Variants in PTPRJ observed in about 807,000 individuals in gnomAD.
PTPRJ encodes the protein protein tyrosine phosphatase receptor type J.
Under a neutral mutation model 141.3 loss-of-function variants are expected in PTPRJ, and 129 were observed. The observed-to-expected ratio is 0.91, with a 90% CI of 0.79 to 1.06. The LOEUF is 1.06. Among genes scored for constraint, PTPRJ ranks in the 50% least tolerant of loss-of-function variants. The pLI is 0.00. For missense variants in PTPRJ, 1,601 were observed against 1,679.7 expected, an observed-to-expected ratio of 0.95 and a Z score of 0.82; for synonymous variants, 610 against 640.5, an observed-to-expected ratio of 0.95 and a Z score of 0.72.
At chr11:48,063,580 G>T (rs1854999239) in intron 1 of PTPRJ, among the ~76,000 whole-genome samples, 1 of 152,182 alleles carries the variant, frequency 6.6e-6, no homozygotes, top group African/African-American at 2.4e-5. Flanking sequence ...CTGCTGGGGG[G>T]TGGCCGTTTG....
intron 1 of PTPRJ, among the ~76,000 whole-genome samples, chr11:48,043,830 C>T (rs867433135): frequency 3.3e-5 from 5 of 152,216 alleles, no homozygotes; most frequent in South Asian, 4.1e-4. Context: ...GCTTCTTTCT[C>T]GAAACCATCC....
chr11:48,018,367 G>A (rs2930185), intron 1 of PTPRJ, among the ~76,000 whole-genome samples: 2,495 of 152,156 alleles, frequency 0.016, 67 homozygotes, highest in African/African-American at 0.057. Flanking sequence ...GAGCATGCCA[G>A]CTCTGCTGAA....
At chr11:48,065,662 A>G (rs1365877362) in intron 1 of PTPRJ, among the ~76,000 whole-genome samples, 1 of 152,212 alleles carries the variant, frequency 6.6e-6, no homozygotes, top group Non-Finnish European at 1.5e-5. Context: ...TATAGATGAT[A>G]CCGAGGTAGA....
chr11:48,117,930 T>C (rs1856610339), intron 3 of PTPRJ, among the ~76,000 whole-genome samples: 1 of 152,182 alleles, frequency 6.6e-6, no homozygotes, highest in South Asian at 2.1e-4. Flanking sequence ...TGAACAATTA[T>C]ATGCCAACAA....
intron 1 of PTPRJ, among the ~76,000 whole-genome samples, chr11:48,062,522 A>C (rs12419916): frequency 2.0e-4 from 31 of 152,102 alleles, no homozygotes; most frequent in Non-Finnish European, 3.7e-4. Context: ...CAAAAAAAAA[A>C]CCAAAAAAAA....
intron 1 of PTPRJ, among the ~76,000 whole-genome samples, chr11:48,010,935 C>T (rs553329411): frequency 6.6e-6 from 1 of 151,916 alleles, no homozygotes; most frequent in East Asian, 1.9e-4. Context: ...CCGCTTCAGC[C>T]AATTGAGTAG....
intron 1 of PTPRJ, among the ~76,000 whole-genome samples, chr11:48,039,617 C>G (rs1854223575): frequency 6.6e-6 from 1 of 152,016 alleles, no homozygotes; most frequent in South Asian, 2.1e-4. Flanking sequence ...TGTCTCTTTT[C>G]TCTTTCTGAA....
chr11:48,143,112 T>C (rs1356409371), intron 12 of PTPRJ, 62 bp downstream of exon 12: 1 of 1,591,282 alleles, frequency 6.3e-7, no homozygotes, highest in African/African-American at 1.3e-5. Context: ...GAGCTTTCTC[T>C]GTGCCCACTG....
chr11:47,981,297 G>A (rs1448010430), intron 1 of PTPRJ, among the ~76,000 whole-genome samples: 1 of 152,172 alleles, frequency 6.6e-6, no homozygotes, highest in African/African-American at 2.4e-5. Flanking sequence ...CCCTGGCCCG[G>A]CTCTTCCCGG....
chr11:48,122,981 C>T (rs777177586), intron 4 of PTPRJ, among the ~76,000 whole-genome samples: 12 of 152,034 alleles, frequency 7.9e-5, no homozygotes, highest in East Asian at 5.8e-4. Context: ...TCTGGGTCTT[C>T]GTGTTCTTAT....
chr11:48,003,541 G>A (rs1471962972), intron 1 of PTPRJ, among the ~76,000 whole-genome samples: 1 of 152,100 alleles, frequency 6.6e-6, no homozygotes, highest in African/African-American at 2.4e-5. Flanking sequence ...TGTCTCCCAG[G>A]CTGGAGTGCT....
chr11:48,139,058 G>A (rs12273331), intron 10 of PTPRJ, among the ~76,000 whole-genome samples: 5,211 of 152,200 alleles, frequency 0.034, 292 homozygotes, highest in African/African-American at 0.12. Context: ...GTTTGAACCC[G>A]GGAGGTGGAC....
chr11:48,022,410 G>A (rs923392294), intron 1 of PTPRJ, among the ~76,000 whole-genome samples: 5 of 151,894 alleles, frequency 3.3e-5, no homozygotes, highest in Admixed American at 6.6e-5. Context: ...GTTGCAGCGA[G>A]CCGAGATCGT....
rs887805175 is a variant in PTPRJ at position 48,155,986 on chromosome 11, G to A, written c.3305G>A (p.Gly1102Asp). 3 of 1,609,886 alleles carry A rather than the reference G, an allele frequency of 1.9e-6. No individual in the cohort carries two copies. Among genetic ancestry groups the A allele is most frequent in the Non-Finnish European group, 2.5e-6 (3 of 1,176,770 alleles). ...CTATGTGCTGTTTCCCATTTTTAGG[G>A]CTACCACTCCAAGAAAGATTTTATT... Reference protein sequence around the residue: ...DDYINANYMPGYHSKKDFIAT... With the variant: ...DDYINANYMPDYHSKKDFIAT... Residue 1102 changes from glycine to aspartate, a missense_variant and splice_region_variant, in exon 21 of 25, where the codon GGC (glycine) becomes GAC (aspartate). Coordinates refer to ENST00000418331, the MANE Select transcript of PTPRJ (RefSeq NM_002843.4).
intron 1 of PTPRJ, among the ~76,000 whole-genome samples, chr11:48,076,303 C>T (rs1301625063): frequency 6.6e-6 from 1 of 152,128 alleles, no homozygotes; most frequent in Non-Finnish European, 1.5e-5. Flanking sequence ...GTGTTTTGCA[C>T]ATTCATTGTT....
intron 1 of PTPRJ, among the ~76,000 whole-genome samples, chr11:48,103,405 G>A (rs531205778): frequency 2.0e-5 from 3 of 152,316 alleles, no homozygotes; most frequent in Admixed American, 1.3e-4. Context: ...GCTGCAGTGA[G>A]CTATGATTGT....
intron 1 of PTPRJ, among the ~76,000 whole-genome samples, chr11:48,104,273 C>T (rs1249874274): frequency 1.3e-5 from 2 of 152,156 alleles, no homozygotes; most frequent in African/African-American, 4.8e-5. Context: ...AGGGCCCACC[C>T]AGCCTGTCAT....
intron 6 of PTPRJ, among the ~76,000 whole-genome samples, chr11:48,126,688 A>C (rs1339904714): frequency 1.3e-5 from 2 of 151,888 alleles, no homozygotes; most frequent in African/African-American, 2.4e-5. Context: ...ATTACCTCCC[A>C]AAAGCCCCGC....
At chr11:48,059,470 C>T (rs972257479) in intron 1 of PTPRJ, among the ~76,000 whole-genome samples, 4 of 152,178 alleles carry the variant, frequency 2.6e-5, no homozygotes, top group African/African-American at 9.7e-5. Context: ...GACACTGCCC[C>T]TCCCTGAATT....
Sources: gnomAD v4.1 joint callset for allele counts (sites outside exome capture counted in the v4.1 genomes callset) on GRCh38, gnomAD v4.1.1 for gene constraint, MANE v1.5 for transcripts, NCBI Gene and HGNC (gene_info 2026-07-23, HGNC 2026-07-21) for gene names.